The following KANK1 variants were observed in gnomAD, a reference collection of about 807,000 sequenced individuals.
KANK1 encodes KN motif and ankyrin repeat domain-containing protein 1.
A neutral mutation model predicts 106.2 loss-of-function variants in KANK1; 109 were observed. The observed-to-expected ratio is 1.03, with a 90% CI of 0.88 to 1.20. KANK1 has a LOEUF of 1.20. Among genes scored for constraint, KANK1 ranks in the 50% most tolerant of loss-of-function variants. The pLI is 0.00. For synonymous variants in KANK1, 873 were observed against 652.2 expected, an observed-to-expected ratio of 1.34 and a Z score of -5.16; for missense variants, 2,399 against 1,710.7, an observed-to-expected ratio of 1.40 and a Z score of -7.10.
In KANK1 at chr9:556,094, G is replaced by T. The variant is rs182045825; in HGVS notation, c.-84+51340G>T. On this transcript the variant is annotated intron_variant, in intron 1 of 11. Transcript: ENST00000382297. The stretch of plus-strand genomic sequence containing the variant: ...TCTTCTTTCTCTACAGTCTGTTTTG[G>T]CTCTACCTTGGGGGGAAAATACCCA... Among the ~76,000 whole-genome samples the T allele has an allele frequency of 8.5e-5, 13 of 152,172 alleles. No individual in the cohort carries two copies. In the East Asian group the frequency reaches 2.1e-3, roughly 25 times the overall value.
At position 707,328 on chromosome 9, in the gene KANK1, G is replaced by T. The variant is rs553141885; in HGVS notation, c.38-3476G>T. The T allele has an allele frequency of 7.0e-6, 5 of 710,100 alleles. No homozygotes were observed. In the South Asian group the frequency reaches 3.1e-4, roughly 44 times the overall value. 44.0% of individuals were successfully genotyped at this position (710,100 alleles called of 1,614,324 possible). A position where few individuals can be genotyped will look rare whatever the true frequency, so the allele number is the denominator to read the frequency against. On this transcript the variant is annotated intron_variant, in intron 2 of 11. Coordinates refer to ENST00000382297, the MANE Select transcript of KANK1 (RefSeq NM_015158.5). ...CTGGGCGAGGGGGGCCGGCCGGGAA[G>T]GTGCGCACTGCTGGGCCGCTTCACT...
chr9:558,298 CTGT>C (rs1815406879), intron 1 of KANK1, among the ~76,000 whole-genome samples: 1 of 152,176 alleles, frequency 6.6e-6, no homozygotes, highest in South Asian at 2.1e-4. Flanking sequence ...GAACACCCCA[CTGT>C]TATTATTTGT....
chr9:576,669 G>A (rs1820641456), intron 1 of KANK1, among the ~76,000 whole-genome samples: 1 of 152,122 alleles, frequency 6.6e-6, no homozygotes, highest in Admixed American at 6.5e-5. Context: ...GTTTGTGTTG[G>A]AGATACAGAA....
At chr9:731,059 C>T in intron 4 of KANK1, 99 bp from the exon 5 acceptor site, 1 of 567,054 alleles carries the variant, frequency 1.8e-6, no homozygotes, top group East Asian at 3.3e-5. Flanking sequence ...ATGCCAAGAT[C>T]TACATTTACA....
At chr9:557,542 C>T (rs1323473167) in intron 1 of KANK1, among the ~76,000 whole-genome samples, 1 of 152,192 alleles carries the variant, frequency 6.6e-6, no homozygotes, top group African/African-American at 2.4e-5. Flanking sequence ...GAGTTTAAGG[C>T]AGGGAATTCT....
chr9:565,028 C>T (rs1351475376), intron 1 of KANK1, among the ~76,000 whole-genome samples: 1 of 152,134 alleles, frequency 6.6e-6, no homozygotes, highest in Non-Finnish European at 1.5e-5. Context: ...CTGCTTTCAC[C>T]ATTAGACAAA....
chr9:620,643 G>A (rs1371502748), intron 1 of KANK1, among the ~76,000 whole-genome samples: 1 of 152,094 alleles, frequency 6.6e-6, no homozygotes, highest in Non-Finnish European at 1.5e-5. Flanking sequence ...CTGACCTCAT[G>A]ATCCAGCTGC....
intron 5 of KANK1, 58 bp downstream of exon 5, chr9:731,324 T>G: frequency 9.8e-7 from 1 of 1,025,148 alleles, no homozygotes; most frequent in Middle Eastern, 2.1e-4. Context: ...ACCTCCTGCC[T>G]AAGTCACATT....
At chr9:700,031 A>C (rs1822260069) in intron 2 of KANK1, among the ~76,000 whole-genome samples, 1 of 152,180 alleles carries the variant, frequency 6.6e-6, no homozygotes, top group Non-Finnish European at 1.5e-5. Context: ...GTATAACCTG[A>C]AGAGGTATTG....
upstream of KANK1, among the ~76,000 whole-genome samples, chr9:503,178 A>G (rs115691480): frequency 6.4e-3 from 966 of 152,058 alleles, 12 homozygotes; most frequent in African/African-American, 0.022. Flanking sequence ...CCTGCCTCTG[A>G]TATCTCATCC....
chr9:673,980 C>G (rs1815837117), intron 1 of KANK1: 1 of 152,036 alleles, frequency 6.6e-6, no homozygotes, highest in Admixed American at 6.6e-5. Flanking sequence ...CTTCATTTGC[C>G]CCTCCCTCTC....
At chr9:518,978 C>A (rs1248066071) in intron 1 of KANK1, among the ~76,000 whole-genome samples, 2 of 151,594 alleles carry the variant, frequency 1.3e-5, no homozygotes, top group African/African-American at 2.4e-5. Flanking sequence ...GCAAACTCCC[C>A]CTTCCAGGTT....
intron 1 of KANK1, among the ~76,000 whole-genome samples, chr9:565,681 T>C (rs1440484932): frequency 6.6e-6 from 1 of 151,876 alleles, no homozygotes. Flanking sequence ...ACCAGTTGAG[T>C]CATGAGTCGC....
chr9:493,040 A>G (rs942416667), intron 3 of KANK1, among the ~76,000 whole-genome samples: 113 of 150,920 alleles, frequency 7.5e-4, no homozygotes, highest in African/African-American at 2.6e-3. Context: ...AAAAAAAAAA[A>G]AAAAAGAAAA....
At chr9:564,910 A>G (rs890094339) in intron 1 of KANK1, among the ~76,000 whole-genome samples, 1 of 152,204 alleles carries the variant, frequency 6.6e-6, no homozygotes, top group African/African-American at 2.4e-5. Context: ...AGGTGACTGC[A>G]TGAAGTGGGA....
At chr9:548,656 TG>T (rs1323114895) in intron 1 of KANK1, among the ~76,000 whole-genome samples, 1 of 152,150 alleles carries the variant, frequency 6.6e-6, no homozygotes, top group African/African-American at 2.4e-5. Flanking sequence ...TTTTTATGTG[TG>T]TATAGAAAAA....
At chr9:660,120 C>A (rs886580573) in intron 1 of KANK1, 3 of 430,902 alleles carry the variant, frequency 7.0e-6, no homozygotes, top group Non-Finnish European at 1.4e-5. Context: ...AAGACCCTTA[C>A]TACTGTCCAA....
At chr9:717,866 A>C (rs1020626830) in intron 3 of KANK1, among the ~76,000 whole-genome samples, 1 of 152,242 alleles carries the variant, frequency 6.6e-6, no homozygotes, top group Non-Finnish European at 1.5e-5. Flanking sequence ...AAACAAAACT[A>C]TAACAGTGGA....
chr9:732,590 A>T lies in KANK1; in HGVS notation c.3218A>T (p.Glu1073Val). The T allele has an allele frequency of 6.2e-7, 1 of 1,614,136 alleles. No individual in the cohort carries two copies. The highest frequency in any genetic ancestry group is 1.1e-5 in the South Asian group (1 of 91,070). ...VEDEMQVQEC[E>V]PEKVEIRERY... ...GATGAAATGCAGGTTCAAGAATGTGAACCTGAGAAGGTGGAAATCAGAGAG... is the reference window on the plus strand; with the variant it reads ...GATGAAATGCAGGTTCAAGAATGTGTACCTGAGAAGGTGGAAATCAGAGAG... Residue 1073 changes from glutamate to valine, a missense_variant, in exon 6 of 12, where the codon GAA (glutamate) becomes GTA (valine). Transcript: ENST00000382297.
Sources: allele counts gnomAD v4.1 joint callset (sites outside exome capture counted in the v4.1 genomes callset), GRCh38; gene constraint gnomAD v4.1.1; transcripts MANE v1.5; gene names NCBI Gene and HGNC (gene_info 2026-07-23, HGNC 2026-07-21).